PIK3R5: variants seen among roughly 807,000 people sequenced by gnomAD.
PIK3R5 encodes the protein phosphoinositide-3-kinase regulatory subunit 5.
In PIK3R5, 32 loss-of-function variants were observed where a neutral mutation model predicts 94.9. The observed-to-expected ratio is 0.34, with a 90% CI of 0.25 to 0.45. The LOEUF (loss-of-function observed/expected upper bound fraction) is 0.45. Ranked by LOEUF, PIK3R5 falls within the 20% of genes least tolerant of loss-of-function variation. The pLI is 1.00. For synonymous variants in PIK3R5, 443 were observed against 479.4 expected, an observed-to-expected ratio of 0.92 and a Z score of 0.99; for missense variants, 853 against 1,144.6, an observed-to-expected ratio of 0.75 and a Z score of 3.68.
chr17:8,957,807 T>G (rs1366456585), intron 1 of PIK3R5, among the ~76,000 whole-genome samples: 1 of 151,546 alleles, frequency 6.6e-6, no homozygotes, highest in Non-Finnish European at 1.5e-5. Flanking sequence ...GCTTGGGGAG[T>G]GGGAAGCCAA....
Position 8,881,011 on chromosome 17 carries a change from T to C in PIK3R5, c.2389A>G (p.Thr797Ala), listed in dbSNP as rs1274759946. ...KSKKGFNQIS[T>A]SQIKVDKVQI... The stretch of plus-strand genomic sequence containing the variant: ...ACCTTGTCCACTTTGATCTGCGATG[T>C]GCTAATCTGGAAGGAAGGCCCAGGT... Residue 797 changes from threonine (T) to alanine (A), a missense_variant, in exon 18 of 19, where the codon ACA (threonine) becomes GCA (alanine). By Grantham distance (58) the Thr-to-Ala change is moderately conservative. Coordinates refer to ENST00000447110, the MANE Select transcript of PIK3R5 (RefSeq NM_001142633.3). This position sits in a 1 kb window ranked among gnomAD's most constrained non-coding sequence, Gnocchi z 4.8. 8 of 1,613,542 alleles carry C rather than the reference T, an allele frequency of 5.0e-6. No homozygotes were observed. In the East Asian group the frequency reaches 1.6e-4, roughly 31 times the overall value.
At chr17:8,957,923 G>T (rs756260823) in intron 1 of PIK3R5, among the ~76,000 whole-genome samples, 1 of 152,160 alleles carries the variant, frequency 6.6e-6, no homozygotes, top group Non-Finnish European at 1.5e-5. Context: ...AGAAGGTAAC[G>T]TGCTTCCAAA....
chr17:8,915,346 C>G (rs1597399713), intron 1 of PIK3R5, among the ~76,000 whole-genome samples: 1 of 151,722 alleles, frequency 6.6e-6, no homozygotes, highest in Admixed American at 6.6e-5. Context: ...ATGGCTTGAA[C>G]CCGGGAGGTG....
At chr17:8,929,751 C>A (rs968928205) in intron 1 of PIK3R5, among the ~76,000 whole-genome samples, 3 of 151,874 alleles carry the variant, frequency 2.0e-5, no homozygotes, top group Non-Finnish European at 1.5e-5. Flanking sequence ...TAAGTGGGAG[C>A]TAGGCTATGG....
intron 3 of PIK3R5, among the ~76,000 whole-genome samples, chr17:8,907,224 G>A (rs1254151518): frequency 6.6e-6 from 1 of 151,582 alleles, no homozygotes; most frequent in African/African-American, 2.4e-5. Context: ...GTAGAGATGG[G>A]GTCTCACCAT....
At chr17:8,920,054 T>G (rs2090708359) in intron 1 of PIK3R5, among the ~76,000 whole-genome samples, 1 of 152,080 alleles carries the variant, frequency 6.6e-6, no homozygotes, top group South Asian at 2.1e-4. Context: ...AGGCTAATTA[T>G]TCTACTTTTA....
rs755256708 is a variant in PIK3R5 at position 8,889,244 on chromosome 17, G to C, written c.812-22C>G. ...GTGTCTGTAAGAACAGGGAGGATAG[G>C]AGAAGAGGGCTGGGAAGAGGCCTTG... On this transcript the variant is annotated intron_variant, in intron 8 of 18. Transcript: ENST00000447110. The surrounding 1 kb of genome is among the most constrained non-coding windows in gnomAD (Gnocchi z 4.1). The C allele has an allele frequency of 6.9e-6, 11 of 1,595,132 alleles. No homozygotes were observed. Among genetic ancestry groups the C allele is most frequent in the Non-Finnish European group, 9.4e-6 (11 of 1,164,746 alleles).
Position 8,941,097 on chromosome 17 carries a change from T to C in PIK3R5, c.-14+24499A>G, listed in dbSNP as rs182304879. On this transcript the variant is annotated intron_variant, in intron 1 of 18. Transcript: ENST00000447110. ...TCCCTGTGTGTCAGCAGCAGGACAA[T>C]GGGAGCCACTCCAGCTGTCCCAGTT... is the stretch of plus-strand genomic sequence containing the variant. Among the ~76,000 whole-genome samples, 894 of 152,222 alleles carry C rather than the reference T, an allele frequency of 5.9e-3. 16 individuals carry two copies. The highest frequency in any genetic ancestry group is 0.02 in the African/African-American group (850 of 41,534).
At chr17:8,940,343 T>C (rs1203477304) in intron 1 of PIK3R5, among the ~76,000 whole-genome samples, 2 of 152,168 alleles carry the variant, frequency 1.3e-5, no homozygotes, top group African/African-American at 2.4e-5. Context: ...TGGTACATTA[T>C]GAAGTTCAGA....
chr17:8,890,211 G>A lies in PIK3R5; in HGVS notation c.658-85C>T. Reference sequence around the variant, plus strand: ...TCCAGTTGCTAGCTTCTTACTGAGGGAGGCAGTGATCTGTCCCCTCCCAGC... The same window carrying A: ...TCCAGTTGCTAGCTTCTTACTGAGGAAGGCAGTGATCTGTCCCCTCCCAGC... On this transcript the variant is annotated intron_variant, in intron 7 of 18. Coordinates refer to ENST00000447110, the MANE Select transcript of PIK3R5 (RefSeq NM_001142633.3). The surrounding 1 kb of genome is among the most constrained non-coding windows in gnomAD (Gnocchi z 6.1). 1.4e-6 allele frequency: 2 copies of A among 1,447,646 alleles called. No individual in the cohort carries two copies. Among genetic ancestry groups the A allele is most frequent in the Non-Finnish European group, 1.9e-6 (2 of 1,051,098 alleles). 89.7% of individuals were successfully genotyped at this position (1,447,646 alleles called of 1,614,324 possible).
chr17:8,922,885 T>C (rs2090784154), intron 1 of PIK3R5, among the ~76,000 whole-genome samples: 1 of 151,910 alleles, frequency 6.6e-6, no homozygotes, highest in African/African-American at 2.4e-5. Context: ...GAAGATGAAG[T>C]AGAGATGTAC....
chr17:8,963,488 CA>C (rs1359633398), intron 1 of PIK3R5, among the ~76,000 whole-genome samples: 2 of 151,942 alleles, frequency 1.3e-5, no homozygotes, highest in Non-Finnish European at 2.9e-5. Flanking sequence ...CACCCAGTGC[CA>C]CCAGTTAGCA....
chr17:8,961,735 G>A (rs1039951115), intron 1 of PIK3R5, among the ~76,000 whole-genome samples: 6 of 152,162 alleles, frequency 3.9e-5, no homozygotes, highest in African/African-American at 1.4e-4. Context: ...ATGGAAGCAG[G>A]AGTCTCCTGT....
intron 5 of PIK3R5, among the ~76,000 whole-genome samples, chr17:8,902,574 A>G (rs1321566437): frequency 1.3e-5 from 2 of 151,920 alleles, no homozygotes; most frequent in East Asian, 3.9e-4. Flanking sequence ...TTTTATTGCA[A>G]ATATTTTTCT....
At chr17:8,956,105 G>C (rs2091461821) in intron 1 of PIK3R5, among the ~76,000 whole-genome samples, 1 of 151,972 alleles carries the variant, frequency 6.6e-6, no homozygotes, top group Non-Finnish European at 1.5e-5. Flanking sequence ...ACACTACAGT[G>C]ATCTGTGATC....
chr17:8,891,430 C>T (rs1170377121), intron 6 of PIK3R5, among the ~76,000 whole-genome samples: 1 of 152,062 alleles, frequency 6.6e-6, no homozygotes, highest in East Asian at 1.9e-4. Context: ...GCATCTTCTT[C>T]CTGAGCTTAT....
rs531765730 is a variant in PIK3R5 at position 8,896,326 on chromosome 17, G to C, written c.413-2671C>G. Among the ~76,000 whole-genome samples, 15 of 152,142 alleles carry C rather than the reference G, an allele frequency of 9.9e-5. No individual in the cohort carries two copies. Among genetic ancestry groups the C allele is most frequent in the African/African-American group, 3.6e-4 (15 of 41,510 alleles). ...CTCCCCAAACAGGGAGGCTGCACTG[G>C]GGAGCCTCAGATCCACAGACACCTC... On this transcript the variant is annotated intron_variant, in intron 5 of 18. Transcript: ENST00000447110. The surrounding 1 kb of genome is among the most constrained non-coding windows in gnomAD (Gnocchi z 4.0).
rs397960477 is a variant in PIK3R5 at position 8,902,249 on chromosome 17, ATTT to A, written c.412+2525_412+2527del. On this transcript the variant is annotated intron_variant, in intron 5 of 18. Transcript: ENST00000447110. ...ACCTCTTCATGGGTTTGATATATTA[ATTT>A]TTTTTTTTTTTTTTTTTTTTTTTAG... Among the ~76,000 whole-genome samples the A allele has an allele frequency of 3.2e-3, 248 of 77,212 alleles. 1 individual carries two copies. Among genetic ancestry groups the A allele is most frequent in the African/African-American group, 0.013 (235 of 18,442 alleles). The allele number at this position is 77,212 out of a possible 152,430, so 50.7% of individuals were successfully genotyped here.
chr17:8,943,930 G>A (rs1567668081), intron 1 of PIK3R5, among the ~76,000 whole-genome samples: 1 of 150,946 alleles, frequency 6.6e-6, no homozygotes. Context: ...TACATGTGCA[G>A]TTTTGTTATG....
Sources: allele counts gnomAD v4.1 joint callset (sites outside exome capture counted in the v4.1 genomes callset), GRCh38; gene constraint gnomAD v4.1.1; non-coding constraint Gnocchi (gnomAD v3.1); transcripts MANE v1.5; gene names NCBI Gene and HGNC (gene_info 2026-07-23, HGNC 2026-07-21).